TNNI3K: variants seen among roughly 807,000 people sequenced by gnomAD.
TNNI3K encodes the protein TNNI3 interacting kinase.
A neutral mutation model predicts 114.5 loss-of-function variants in TNNI3K; 140 were observed. The observed-to-expected ratio is 1.22, with a 90% CI of 1.07 to 1.41. The LOEUF is 1.41. Ranked by LOEUF, TNNI3K falls within the 40% of genes most tolerant of loss-of-function variation. The pLI is 0.00. For missense variants in TNNI3K, 1,125 were observed against 1,007.6 expected, an observed-to-expected ratio of 1.12 and a Z score of -1.58; for synonymous variants, 347 against 347.5, an observed-to-expected ratio of 1.00 and a Z score of 0.02.
chr1:74,501,767 A>G (rs1246584580), intron 23 of TNNI3K, among the ~76,000 whole-genome samples: 3 of 152,088 alleles, frequency 2.0e-5, no homozygotes, highest in Non-Finnish European at 4.4e-5. Flanking sequence ...GATTACAAGC[A>G]TGAGCCACCG....
intron 5 of TNNI3K, among the ~76,000 whole-genome samples, chr1:74,293,979 A>G (rs992291227): frequency 6.6e-6 from 1 of 151,810 alleles, no homozygotes; most frequent in African/African-American, 2.4e-5. Flanking sequence ...TTTCATTAAT[A>G]TGCTAATTTA....
At chr1:74,428,002 T>A (rs780556989) in intron 17 of TNNI3K, among the ~76,000 whole-genome samples, 1 of 151,910 alleles carries the variant, frequency 6.6e-6, no homozygotes, top group South Asian at 2.1e-4. Flanking sequence ...AATCTTATAA[T>A]CCACCTCTTC....
At chr1:74,507,726 A>G (rs6704493) in intron 23 of TNNI3K, among the ~76,000 whole-genome samples, 13,035 of 152,204 alleles carry the variant, frequency 0.086, 1,356 homozygotes, top group African/African-American at 0.25. Context: ...TGTTTTAGCC[A>G]TGTTGGTATT....
intron 17 of TNNI3K, among the ~76,000 whole-genome samples, chr1:74,425,869 C>T (rs1163856866): frequency 1.3e-5 from 2 of 151,912 alleles, no homozygotes; most frequent in African/African-American, 4.8e-5. Context: ...GCTAAAATAG[C>T]CCTAAACCAT....
chr1:74,493,884 T>C (rs1457095802), intron 23 of TNNI3K, among the ~76,000 whole-genome samples: 3 of 152,148 alleles, frequency 2.0e-5, no homozygotes, highest in Admixed American at 6.5e-5. Flanking sequence ...TCAACATCAA[T>C]AGGAAGAAAA....
chr1:74,277,005 G>C (rs1457262212), intron 5 of TNNI3K, among the ~76,000 whole-genome samples: 3 of 152,102 alleles, frequency 2.0e-5, no homozygotes, highest in African/African-American at 7.2e-5. Flanking sequence ...ATTTGCATAT[G>C]CTTCTTTGTA....
intron 4 of TNNI3K, among the ~76,000 whole-genome samples, chr1:74,255,318 C>T (rs1041322998): frequency 5.5e-5 from 8 of 144,964 alleles, no homozygotes; most frequent in Non-Finnish European, 1.0e-4. Flanking sequence ...CCCGCCACTG[C>T]ACTCCAGCCT....
chr1:74,414,525 C>A (rs997272704), intron 17 of TNNI3K, among the ~76,000 whole-genome samples: 2 of 152,152 alleles, frequency 1.3e-5, no homozygotes, highest in African/African-American at 4.8e-5. Flanking sequence ...CAGCAATGCC[C>A]ATTTTGATGT....
At chr1:74,236,649 T>C (rs1366315698) in intron 2 of TNNI3K, among the ~76,000 whole-genome samples, 1 of 151,842 alleles carries the variant, frequency 6.6e-6, no homozygotes, top group African/African-American at 2.4e-5. Context: ...CTCTTGACAT[T>C]GAAAGGCTGT....
chr1:74,335,636 A>G (rs569140102), intron 6 of TNNI3K, among the ~76,000 whole-genome samples: 10 of 152,278 alleles, frequency 6.6e-5, no homozygotes, highest in Admixed American at 2.6e-4. Flanking sequence ...AGATATGGGA[A>G]GATGGTTTCT....
chr1:74,467,659 TA>T (rs990775814), intron 21 of TNNI3K, among the ~76,000 whole-genome samples: 23 of 152,050 alleles, frequency 1.5e-4, no homozygotes, highest in African/African-American at 4.3e-4. Flanking sequence ...TTTATTTACT[TA>T]AAAAAATTGT....
intron 23 of TNNI3K, among the ~76,000 whole-genome samples, chr1:74,517,481 G>A (rs897014901): frequency 4.6e-5 from 7 of 152,160 alleles, no homozygotes; most frequent in African/African-American, 1.7e-4. Context: ...TGGTAAATGG[G>A]TCAACTGAGC....
At chr1:74,533,069 T>A (rs1320530774) in intron 23 of TNNI3K, among the ~76,000 whole-genome samples, 1 of 151,946 alleles carries the variant, frequency 6.6e-6, no homozygotes, top group African/African-American at 2.4e-5. Flanking sequence ...ACAAATGGGA[T>A]CTAATTAAAC....
intron 17 of TNNI3K, among the ~76,000 whole-genome samples, chr1:74,408,838 G>A (rs967509057): frequency 7.9e-5 from 12 of 151,978 alleles, no homozygotes; most frequent in African/African-American, 2.7e-4. Flanking sequence ...ATTTCATAAC[G>A]TAGGTCTGTA....
chr1:74,420,064 G>T (rs1007787864), intron 17 of TNNI3K, among the ~76,000 whole-genome samples: 1 of 152,020 alleles, frequency 6.6e-6, no homozygotes, highest in East Asian at 1.9e-4. Flanking sequence ...AAATAATTTA[G>T]GGGAGACATG....
intron 17 of TNNI3K, chr1:74,418,333 A>G (rs1244527945): frequency 5.1e-6 from 1 of 194,524 alleles, no homozygotes; most frequent in African/African-American, 2.4e-5. Flanking sequence ...TCTGAAATAA[A>G]AAAGAGAAAT....
intron 20 of TNNI3K, among the ~76,000 whole-genome samples, chr1:74,449,328 A>T (rs1003665004): frequency 3.3e-5 from 5 of 150,342 alleles, no homozygotes; most frequent in Non-Finnish European, 7.4e-5. Flanking sequence ...ATCATTTTTT[A>T]TTGTGTCTAT....
intron 17 of TNNI3K, chr1:74,375,392 C>T (rs1662855258): frequency 7.6e-6 from 2 of 261,498 alleles, no homozygotes; most frequent in South Asian, 7.3e-5. Context: ...AAACCTCTTT[C>T]CTGCCTGGGG....
intron 4 of TNNI3K, among the ~76,000 whole-genome samples, chr1:74,262,915 A>T (rs1655762627): frequency 6.6e-6 from 1 of 152,116 alleles, no homozygotes; most frequent in South Asian, 2.1e-4. Context: ...CTTAGCTCCT[A>T]GTACTTACTA....
Sources: gnomAD v4.1 joint callset for allele counts (sites outside exome capture counted in the v4.1 genomes callset) on GRCh38, gnomAD v4.1.1 for gene constraint, MANE v1.5 for transcripts, NCBI Gene and HGNC (gene_info 2026-07-23, HGNC 2026-07-21) for gene names.